The following CIB4 variants were observed in gnomAD, a reference collection of about 807,000 sequenced individuals.
CIB4 encodes the protein calcium and integrin binding family member 4.
CIB4 carries 25 observed loss-of-function variants against 25.8 expected under a neutral mutation model. The observed-to-expected ratio is 0.97, with a 90% confidence interval of 0.71 to 1.35. The LOEUF (loss-of-function observed/expected upper bound fraction) is 1.35. CIB4 is among the 40% of genes most tolerant of loss of function. The probability of loss-of-function intolerance (pLI) is 0.00; values close to 1 mark genes in which losing one functional copy is unlikely to be tolerated. For missense variants in CIB4, 235 were observed against 228.2 expected, an observed-to-expected ratio of 1.03 and a Z score of -0.19; for synonymous variants, 75 against 81.4, an observed-to-expected ratio of 0.92 and a Z score of 0.42.
intron 3 of CIB4, among the ~76,000 whole-genome samples, chr2:26,624,158 T>A (rs1669256638): frequency 6.6e-6 from 1 of 152,202 alleles, no homozygotes; most frequent in South Asian, 2.1e-4. Context: ...TGAACCCAAG[T>A]TAAGAAAACA....
intron 2 of CIB4, among the ~76,000 whole-genome samples, chr2:26,632,757 C>CAA (rs58312058): frequency 1.7e-5 from 2 of 120,118 alleles, no homozygotes; most frequent in Middle Eastern, 4.4e-3. Flanking sequence ...GACTCCATCT[C>CAA]AAAAAAAAAA....
chr2:26,601,231 A>AAAAAAAAAAT (rs1395827334), intron 3 of CIB4, among the ~76,000 whole-genome samples: 19 of 17,198 alleles, frequency 1.1e-3, no homozygotes, highest in African/African-American at 2.8e-3. Flanking sequence ...AAAAAAAAAA[A>AAAAAAAAAAT]ATATATATAT....
chr2:26,639,812 G>A (rs1669601791), intron 2 of CIB4, among the ~76,000 whole-genome samples: 1 of 152,042 alleles, frequency 6.6e-6, no homozygotes, highest in Non-Finnish European at 1.5e-5. Context: ...GATGATGAGA[G>A]GGAACCTTCC....
rs1308791223 is a variant in CIB4, at chr2:26,606,306, C to G, written c.187-10989G>C. On this transcript the variant is annotated intron_variant, in intron 3 of 6. Coordinates refer to ENST00000288861, the MANE Select transcript of CIB4 (RefSeq NM_001029881.3). ...ATCAAGCGCACGCAAAGTGCTATGA[C>G]AAGAGCTAGGACAGGACAGTGAGGC... Among the ~76,000 whole-genome samples, 4 of 152,176 alleles carry G rather than the reference C, an allele frequency of 2.6e-5. No homozygotes were observed. In the East Asian group the frequency reaches 7.7e-4, roughly 29 times the overall value.
rs1247074600 is a variant in CIB4 at position 26,629,417 on chromosome 2, G to A, written c.179C>T (p.Ala60Val). Residue 60 changes from alanine (A) to valine (V), a missense_variant, in exon 3 of 7, where the codon GCT (alanine) becomes GTT (valine). By Grantham distance (64) the Ala-to-Val change is moderately conservative (BLOSUM62 0). Coordinates refer to ENST00000288861, the MANE Select transcript of CIB4 (RefSeq NM_001029881.3). ...LTMDQVSSLP[A>V]LRVNPFRDRI... Reference sequence around the variant, plus strand: ...CCACCATCCTGGACTCACCCGCAGAGCTGGCAGGGAGCTGACCTGGTCCAT... The same window carrying A: ...CCACCATCCTGGACTCACCCGCAGAACTGGCAGGGAGCTGACCTGGTCCAT... 1 of 1,575,148 alleles carries A rather than the reference G, an allele frequency of 6.3e-7. No individual in the cohort carries two copies.
chr2:26,596,527 T>A (rs1462778999), intron 3 of CIB4, among the ~76,000 whole-genome samples: 1 of 152,122 alleles, frequency 6.6e-6, no homozygotes, highest in Non-Finnish European at 1.5e-5. Context: ...GTGGATCACC[T>A]GAGGTCAGGA....
chr2:26,607,016 C>T (rs150052785), intron 3 of CIB4, among the ~76,000 whole-genome samples: 1,707 of 152,316 alleles, frequency 0.011, 40 homozygotes, highest in African/African-American at 0.039. Context: ...AACCAGTCCT[C>T]CCCAGATTCC....
intron 3 of CIB4, 97 bp downstream of exon 3, chr2:26,629,313 C>T (rs180901770): frequency 1.3e-5 from 10 of 763,454 alleles, no homozygotes; most frequent in Admixed American, 4.1e-5. Context: ...TCCCACAGCA[C>T]GGAGTGCCCA....
chr2:26,583,151 C>G (rs1484100139), intron 5 of CIB4, among the ~76,000 whole-genome samples: 1 of 152,296 alleles, frequency 6.6e-6, no homozygotes. Flanking sequence ...AGTGAGAGAA[C>G]AAGAGTGTCC....
At chr2:26,589,045 TTCTTCTTCTTCTTCC>T (rs1558554739) in intron 4 of CIB4, among the ~76,000 whole-genome samples, 20 of 47,824 alleles carry the variant, frequency 4.2e-4, no homozygotes, top group South Asian at 1.0e-3. Context: ...CTTCTTCTTC[TTCTTCTTCTTCTTCC>T]TCTTCCTCTT....
chr2:26,594,974 G>A (rs1007863041), intron 4 of CIB4, among the ~76,000 whole-genome samples: 7 of 151,972 alleles, frequency 4.6e-5, no homozygotes, highest in South Asian at 2.1e-4. Context: ...TGATGACACC[G>A]AGGGGAGTCT....
intron 3 of CIB4, among the ~76,000 whole-genome samples, chr2:26,606,659 G>A (rs1333649516): frequency 1.3e-5 from 2 of 152,150 alleles, no homozygotes; most frequent in East Asian, 3.8e-4. Flanking sequence ...TTCATTTCTG[G>A]GGCGCTGGGG....
In CIB4 at chr2:26,634,728, A is replaced by T. The variant is rs185907142; in HGVS notation, c.90-5222T>A. ...CACCTGCGGCCTTGAGGTGCCCGTT[A>T]ATGGCCAGGACAGGGCCATGGAGTC... is the stretch of plus-strand genomic sequence containing the variant. On this transcript the variant is annotated intron_variant, in intron 2 of 6. Transcript: ENST00000288861. 3.6e-3 allele frequency among the ~76,000 whole-genome samples: 548 copies of T among 152,336 alleles called. 3 individuals carry two copies. Among genetic ancestry groups the T allele is most frequent in the Middle Eastern group, 0.017 (5 of 294 alleles).
At chr2:26,620,717 C>A (rs1424851930) in intron 3 of CIB4, among the ~76,000 whole-genome samples, 2 of 152,158 alleles carry the variant, frequency 1.3e-5, no homozygotes, top group Non-Finnish European at 2.9e-5. Context: ...TTTTAGCAAC[C>A]ACCCTTCAGT....
chr2:26,622,994 A>G (rs1343136222), intron 3 of CIB4, among the ~76,000 whole-genome samples: 2 of 152,018 alleles, frequency 1.3e-5, no homozygotes, highest in African/African-American at 2.4e-5. Context: ...AAAAAAATAA[A>G]TAAGAATAAA....
At chr2:26,606,736 G>A (rs1170420241) in intron 3 of CIB4, among the ~76,000 whole-genome samples, 2 of 152,118 alleles carry the variant, frequency 1.3e-5, no homozygotes, top group African/African-American at 4.8e-5. Flanking sequence ...CCGGGGCCCT[G>A]GAGGCATCTT....
At chr2:26,599,458 G>T (rs1019706400) in intron 3 of CIB4, among the ~76,000 whole-genome samples, 2 of 152,008 alleles carry the variant, frequency 1.3e-5, no homozygotes, top group African/African-American at 4.8e-5. Context: ...AAAGTCAGAG[G>T]AAAAATATTT....
At chr2:26,590,284 A>C (rs901502820) in intron 4 of CIB4, among the ~76,000 whole-genome samples, 2 of 150,084 alleles carry the variant, frequency 1.3e-5, no homozygotes, top group African/African-American at 2.5e-5. Flanking sequence ...AAAAAAAAAA[A>C]CTCACAGGTG....
chr2:26,584,733 C>T (rs760581982), intron 4 of CIB4, among the ~76,000 whole-genome samples: 3 of 152,204 alleles, frequency 2.0e-5, no homozygotes, highest in Non-Finnish European at 4.4e-5. Context: ...TTTCACATCC[C>T]CCTGTAAAAT....
Sources: allele counts gnomAD v4.1 joint callset (sites outside exome capture counted in the v4.1 genomes callset), GRCh38; gene constraint gnomAD v4.1.1; transcripts MANE v1.5; gene names NCBI Gene and HGNC (gene_info 2026-07-23, HGNC 2026-07-21).